Variants in CDC42BPB observed in about 807,000 individuals in gnomAD.
CDC42BPB encodes serine/threonine-protein kinase MRCK beta.
In CDC42BPB, 37 loss-of-function variants were observed where a neutral mutation model predicts 214.9. The ratio of observed to expected loss-of-function variants is 0.17; its 90% CI spans 0.13 to 0.23. CDC42BPB has a LOEUF of 0.23. Ranked by LOEUF, CDC42BPB falls within the 10% of genes least tolerant of loss-of-function variation. The pLI, the probability that CDC42BPB is intolerant of heterozygous loss-of-function variation, is 1.00. For missense variants in CDC42BPB, 1,694 were observed against 2,227.0 expected, an observed-to-expected ratio of 0.76 and a Z score of 4.82; for synonymous variants, 931 against 884.0, an observed-to-expected ratio of 1.05 and a Z score of -0.94.
At position 102,933,829 on chromosome 14, in the gene CDC42BPB, G is replaced by A; in HGVS notation, c.5019C>T (p.Ser1673=). ...QDFDKEPDSD[S]TKHSTPSNSS... ...TATTCGATGGAGTTGAGTGTTTGGT[G>A]GAGTCCGAATCAGGCTGTGAACAGG... The change falls in exon 37 of 37, where the codon TCC becomes TCT. Residue 1673 remains serine (S), a synonymous_variant. Transcript: ENST00000361246. 4 of 1,521,504 alleles carry A rather than the reference G, an allele frequency of 2.6e-6. No individual in the cohort carries two copies. Among genetic ancestry groups the A allele is most frequent in the South Asian group, 1.3e-5 (1 of 76,722 alleles). 94.3% of individuals were successfully genotyped at this position (1,521,504 alleles called of 1,614,324 possible).
chr14:102,952,201 A>G (rs1413315082), intron 24 of CDC42BPB, among the ~76,000 whole-genome samples: 1 of 152,164 alleles, frequency 6.6e-6, no homozygotes, highest in African/African-American at 2.4e-5. Context: ...AAAAATTTAA[A>G]AATAGCCAGG....
At chr14:102,966,788 CT>C (rs1325110287) in intron 17 of CDC42BPB, among the ~76,000 whole-genome samples, 2 of 152,216 alleles carry the variant, frequency 1.3e-5, no homozygotes, top group Admixed American at 1.3e-4. Context: ...TCTGCCTCCC[CT>C]GTCTCTGAGA....
At chr14:103,034,391 C>G (rs1887552412) in intron 1 of CDC42BPB, among the ~76,000 whole-genome samples, 1 of 152,098 alleles carries the variant, frequency 6.6e-6, no homozygotes, top group Admixed American at 6.6e-5. Flanking sequence ...AAAATGAAAA[C>G]ATTTAAAGTT....
intron 5 of CDC42BPB, among the ~76,000 whole-genome samples, chr14:102,997,446 G>T (rs986407035): frequency 6.6e-6 from 1 of 152,092 alleles, no homozygotes; most frequent in Non-Finnish European, 1.5e-5. Context: ...AAAAATGAAC[G>T]GCTCGGAAAA....
At chr14:102,966,082 A>G (rs978285532) in intron 18 of CDC42BPB, among the ~76,000 whole-genome samples, 200 bp downstream of exon 18, 5 of 152,242 alleles carry the variant, frequency 3.3e-5, no homozygotes, top group African/African-American at 1.2e-4. Flanking sequence ...ATTATTTGCT[A>G]AACGAATGAA....
intron 5 of CDC42BPB, among the ~76,000 whole-genome samples, chr14:102,996,091 G>A (rs1226748976): frequency 6.6e-6 from 1 of 152,262 alleles, no homozygotes; most frequent in East Asian, 1.9e-4. Context: ...TGTAATCCCA[G>A]CACTTTGGGA....
At chr14:103,045,774 C>T (rs756727250) in intron 1 of CDC42BPB, among the ~76,000 whole-genome samples, 1 of 152,202 alleles carries the variant, frequency 6.6e-6, no homozygotes, top group African/African-American at 2.4e-5. Flanking sequence ...AGAGCTGGGG[C>T]GTCTCGCACA....
chr14:103,049,444 T>A (rs1566927634), intron 1 of CDC42BPB, among the ~76,000 whole-genome samples: 1 of 152,256 alleles, frequency 6.6e-6, no homozygotes, highest in Non-Finnish European at 1.5e-5. Context: ...CCTGATTTTA[T>A]TTAAGTCACT....
In CDC42BPB at chr14:102,983,534, A is replaced by G. The variant is rs1595493324; in HGVS notation, c.891+22T>C. 6 of 1,596,618 alleles carry G rather than the reference A, an allele frequency of 3.8e-6. No homozygotes were observed. The East Asian group carries it at 1.3e-4, about 36-fold the overall frequency. ...AGGCCTGAGCCAGGTACCAAAAAAA[A>G]AAAAAAAATGCAACGTCTTACTTCA... On this transcript the variant is annotated intron_variant, in intron 7 of 36. Coordinates refer to ENST00000361246, the MANE Select transcript of CDC42BPB (RefSeq NM_006035.4).
At chr14:102,947,539 G>A (rs1253491754) in intron 27 of CDC42BPB, among the ~76,000 whole-genome samples, 182 bp downstream of exon 27, 2 of 152,120 alleles carry the variant, frequency 1.3e-5, no homozygotes, top group South Asian at 2.1e-4. Flanking sequence ...GAGGCTCCCC[G>A]AGACGGGCAC....
chr14:102,967,480 G>T, intron 16 of CDC42BPB: 1 of 374,780 alleles, frequency 2.7e-6, no homozygotes, highest in Non-Finnish European at 3.7e-6. Context: ...AAACAGTCAC[G>T]TGTAGTGAAA....
At chr14:102,975,641 G>A (rs376049454) in intron 11 of CDC42BPB, 43 bp downstream of exon 11, 2 of 1,597,020 alleles carry the variant, frequency 1.3e-6, no homozygotes, top group Non-Finnish European at 1.7e-6. Flanking sequence ...AGACAGTAAT[G>A]ACCAAAAATA....
Position 103,001,118 on chromosome 14 carries a change from T to C in CDC42BPB, c.448-1405A>G, listed in dbSNP as rs1448752038. ...CATCCCTTCCAAGCCTCTCCACAGC[T>C]GTCCCACCCTGTGGAGTCTTCCTCA... On this transcript the variant is annotated intron_variant, in intron 4 of 36. Coordinates refer to ENST00000361246, the MANE Select transcript of CDC42BPB (RefSeq NM_006035.4). The surrounding 1 kb of genome is among the most constrained non-coding windows in gnomAD (Gnocchi z 5.8). Among the ~76,000 whole-genome samples the C allele has an allele frequency of 4.6e-5, 7 of 152,216 alleles. No individual in the cohort carries two copies. Among genetic ancestry groups the C allele is most frequent in the Admixed American group, 2.6e-4 (4 of 15,284 alleles).
At chr14:103,051,983 C>T (rs1174290653) in intron 1 of CDC42BPB, among the ~76,000 whole-genome samples, 5 of 152,004 alleles carry the variant, frequency 3.3e-5, no homozygotes. Flanking sequence ...GTAGGTGGGA[C>T]TATGCGTGCC....
At chr14:102,981,087 T>C (rs1464232503) in intron 7 of CDC42BPB, 66 bp from the exon 8 acceptor site, 1 of 1,592,366 alleles carries the variant, frequency 6.3e-7, no homozygotes, top group Non-Finnish European at 8.6e-7. Context: ...GGTGTACAGA[T>C]ATGATAGGAA....
chr14:103,053,632 G>C (rs183661087), intron 1 of CDC42BPB, among the ~76,000 whole-genome samples: 8 of 150,854 alleles, frequency 5.3e-5, no homozygotes, highest in Non-Finnish European at 8.9e-5. Flanking sequence ...CGTGATGGCG[G>C]GCGCCTGTAG....
At chr14:103,054,487 T>C (rs902607153) in intron 1 of CDC42BPB, among the ~76,000 whole-genome samples, 2 of 152,236 alleles carry the variant, frequency 1.3e-5, no homozygotes, top group African/African-American at 4.8e-5. Context: ...GTACCTAATA[T>C]TGCTCTATAA....
At chr14:102,986,342 CAG>C (rs1174459124) in intron 6 of CDC42BPB, 143 bp downstream of exon 6, 1 of 576,418 alleles carries the variant, frequency 1.7e-6, no homozygotes, top group African/African-American at 1.9e-5. Context: ...ACTCCCCAAA[CAG>C]AAAATTTCAA....
intron 19 of CDC42BPB, among the ~76,000 whole-genome samples, chr14:102,964,282 G>A (rs1020322826): frequency 5.9e-5 from 9 of 152,178 alleles, no homozygotes; most frequent in Non-Finnish European, 1.2e-4. Flanking sequence ...ACCCCCCCGC[G>A]GCAGGCAAGG....
Sources: gnomAD v4.1 joint callset for allele counts (sites outside exome capture counted in the v4.1 genomes callset) on GRCh38, gnomAD v4.1.1 for gene constraint, Gnocchi (gnomAD v3.1) non-coding constraint, MANE v1.5 for transcripts, NCBI Gene and HGNC (gene_info 2026-07-23, HGNC 2026-07-21) for gene names.